Variants in KRT8 observed in about 807,000 individuals in gnomAD.
The protein encoded by KRT8 is keratin, type II cytoskeletal 8.
KRT8 carries 24 observed loss-of-function variants against 43.0 expected under a neutral mutation model. The observed-to-expected ratio is 0.56, with a 90% CI of 0.40 to 0.78. KRT8 has a LOEUF of 0.78. KRT8 is among the 30% of genes least tolerant of loss of function. KRT8 has a pLI of 0.00. For synonymous variants in KRT8, 214 were observed against 261.2 expected, an observed-to-expected ratio of 0.82 and a Z score of 1.74; for missense variants, 492 against 638.4, an observed-to-expected ratio of 0.77 and a Z score of 2.47.
At position 52,941,478 on chromosome 12, in the gene KRT8, C is replaced by CTTTTTT. The variant is rs774607187; in HGVS notation, c.-47+7972_-47+7977dup. ...CGGGCTCCTCTAGCAAGTTTTTGCT[C>CTTTTTT]TTTTTTTTTTTTTTTTTTTTTTTTT... On this transcript the variant is annotated intron_variant, in intron 2 of 6. Coordinates refer to the KRT8 transcript ENST00000546826. Among the ~76,000 whole-genome samples the CTTTTTT allele has an allele frequency of 4.0e-4, 29 of 72,580 alleles. 5 individuals carry two copies. Among genetic ancestry groups the CTTTTTT allele is most frequent in the African/African-American group, 1.7e-3 (28 of 16,490 alleles). The allele number at this position is 72,580 out of a possible 152,430, so 47.6% of individuals were successfully genotyped here.
At chr12:52,917,534 C>T (rs997692502) in intron 2 of KRT8, among the ~76,000 whole-genome samples, 9 of 150,996 alleles carry the variant, frequency 6.0e-5, no homozygotes, top group Non-Finnish European at 8.8e-5. Context: ...ATGGTGAAAC[C>T]CTGTCTCTAC....
At chr12:52,910,359 C>T (rs1941610453), upstream of KRT8, among the ~76,000 whole-genome samples, 2 of 152,224 alleles carry the variant, frequency 1.3e-5, no homozygotes, top group South Asian at 4.1e-4. Context: ...CCTTTAGGAA[C>T]ACACTTTCTT....
chr12:52,945,550 C>A (rs529955000), intron 2 of KRT8, among the ~76,000 whole-genome samples: 1 of 152,176 alleles, frequency 6.6e-6, no homozygotes, highest in Non-Finnish European at 1.5e-5. Flanking sequence ...CTCATCTCTC[C>A]ACCACCTAGT....
upstream of KRT8, among the ~76,000 whole-genome samples, chr12:52,907,670 A>G (rs1362576249): frequency 6.6e-6 from 1 of 152,214 alleles, no homozygotes; most frequent in Non-Finnish European, 1.5e-5. Flanking sequence ...GGGGCAGCCC[A>G]GAACCGTCTA....
At chr12:52,898,656 C>G in intron 6 of KRT8, 23 bp downstream of exon 6, 2 of 1,614,078 alleles carry the variant, frequency 1.2e-6, no homozygotes. Flanking sequence ...GAAGCAGGTC[C>G]GGTCAGAGGT....
chr12:52,935,660 T>A (rs1462533933), intron 2 of KRT8, among the ~76,000 whole-genome samples: 1 of 151,598 alleles, frequency 6.6e-6, no homozygotes, highest in Admixed American at 6.6e-5. Flanking sequence ...TTTTTTTTTT[T>A]AGAGACACAT....
At chr12:52,906,649 T>G (rs1941526746), upstream of KRT8, 1 of 454,974 alleles carries the variant, frequency 2.2e-6, no homozygotes, top group Admixed American at 2.4e-5. Context: ...TGCAATTACC[T>G]GATGGCTGGG....
chr12:52,897,473 A>G, exon 8 of KRT8: 1 of 1,599,338 alleles, frequency 6.3e-7, no homozygotes, highest in East Asian at 2.2e-5. Context: ...GCTTCCCATC[A>G]CGTGTCTCGA....
chr12:52,923,111 C>T (rs544931974), intron 2 of KRT8, among the ~76,000 whole-genome samples: 1 of 152,324 alleles, frequency 6.6e-6, no homozygotes, highest in South Asian at 2.1e-4. Context: ...TGCACTTCTG[C>T]AAATTCCTAC....
chr12:52,930,366 T>C (rs950840336), intron 2 of KRT8, among the ~76,000 whole-genome samples: 1 of 152,082 alleles, frequency 6.6e-6, no homozygotes, highest in Non-Finnish European at 1.5e-5. Flanking sequence ...GCTGGGATTA[T>C]AGGCATGTGC....
Position 52,897,519 on chromosome 12 carries a change from C to A in KRT8, c.1361G>T (p.Arg454Leu), listed in dbSNP as rs368206870. Reference sequence around the variant, plus strand: ...AACCACGGCCCTGGAGGAGCTGGTGCGGCTGAAGGAGCTGGAGCCCGCGCC... The same window carrying A: ...AACCACGGCCCTGGAGGAGCTGGTGAGGCTGAAGGAGCTGGAGCCCGCGCC... Residue 454 changes from arginine (R) to leucine (L), a missense_variant, in exon 8 of 8, where the codon CGC (arginine) becomes CTC (leucine). Around this residue, in one of 3 missense-constraint regions of KRT8, gnomAD observed 389 missense variants for 485.7 expected, o/e 0.80. Coordinates refer to ENST00000692008, the Ensembl canonical transcript of KRT8. The A allele has an allele frequency of 4.4e-6, 7 of 1,598,640 alleles. No homozygotes were observed. The highest frequency in any genetic ancestry group is 1.9e-4 in the Middle Eastern group (1 of 5,188).
At chr12:52,938,185 TATA>T (rs1565733081) in intron 2 of KRT8, among the ~76,000 whole-genome samples, 13 of 65,182 alleles carry the variant, frequency 2.0e-4, no homozygotes, top group African/African-American at 8.8e-4. Flanking sequence ...TTTTTTTTTT[TATA>T]TATAAGGTCT....
At chr12:52,917,233 A>AT (rs976078914) in intron 2 of KRT8, among the ~76,000 whole-genome samples, 4 of 151,480 alleles carry the variant, frequency 2.6e-5, no homozygotes, top group Non-Finnish European at 5.9e-5. Flanking sequence ...CTGGTAAAAA[A>AT]ATATATATAT....
At chr12:52,927,563 G>C (rs7961298) in intron 2 of KRT8, among the ~76,000 whole-genome samples, 1 of 152,174 alleles carries the variant, frequency 6.6e-6, no homozygotes, top group African/African-American at 2.4e-5. Flanking sequence ...GTGGAGTCGC[G>C]AGGGCCCTGC....
intron 2 of KRT8, among the ~76,000 whole-genome samples, chr12:52,922,469 TCAAGGC>T (rs1768312751): frequency 6.6e-6 from 1 of 152,124 alleles, no homozygotes; most frequent in Non-Finnish European, 1.5e-5. Context: ...GCTCAGAAGT[TCAAGGC>T]CAGCCTGGCC....
intron 2 of KRT8, among the ~76,000 whole-genome samples, chr12:52,924,137 CA>C (rs928398261): frequency 6.6e-6 from 1 of 151,968 alleles, no homozygotes; most frequent in Non-Finnish European, 1.5e-5. Flanking sequence ...CACACCCGGC[CA>C]AAAGCATTAT....
chr12:52,900,056 C>T (rs1295492514), exon 5 of KRT8: 2 of 1,612,478 alleles, frequency 1.2e-6, no homozygotes, highest in Non-Finnish European at 8.5e-7. Flanking sequence ...GACTGCAGCT[C>T]CCGGATCTCC....
chr12:52,910,986 G>T (rs559829225), upstream of KRT8, among the ~76,000 whole-genome samples: 50 of 152,256 alleles, frequency 3.3e-4, no homozygotes, highest in African/African-American at 1.2e-3. Context: ...AAGTATTTGG[G>T]TCCTCTCAAA....
intron 2 of KRT8, among the ~76,000 whole-genome samples, chr12:52,916,493 C>T (rs1333510495): frequency 6.6e-6 from 1 of 152,192 alleles, no homozygotes; most frequent in East Asian, 1.9e-4. Context: ...GGCTTACCAT[C>T]GTGTCATCCA....
Sources: gnomAD v4.1 joint callset for allele counts (sites outside exome capture counted in the v4.1 genomes callset) on GRCh38, gnomAD v4.1.1 for gene constraint, gnomAD v4.1.1 regional missense constraint, MANE v1.5 for transcripts, NCBI Gene and HGNC (gene_info 2026-07-23, HGNC 2026-07-21) for gene names.